CYRIB: variants seen among roughly 807,000 people sequenced by gnomAD.
CYRIB encodes CYFIP related Rac1 interactor B.
A neutral mutation model predicts 44.2 loss-of-function variants in CYRIB; 8 were observed. That is an observed-to-expected ratio of 0.18 (90% CI 0.11 to 0.33). CYRIB has a LOEUF of 0.33. Among genes scored for constraint, CYRIB ranks in the 10% least tolerant of loss-of-function variants. The pLI, the probability that CYRIB is intolerant of heterozygous loss-of-function variation, is 1.00. For missense variants in CYRIB, 185 were observed against 382.8 expected, an observed-to-expected ratio of 0.48 and a Z score of 4.31; for synonymous variants, 131 against 127.2, an observed-to-expected ratio of 1.03 and a Z score of -0.20.
intron 1 of CYRIB, among the ~76,000 whole-genome samples, chr8:129,927,637 C>A (rs1201470879): frequency 6.6e-6 from 1 of 152,160 alleles, no homozygotes; most frequent in Non-Finnish European, 1.5e-5. Flanking sequence ...GAAAGATGGT[C>A]ACCAAAACAG....
At position 129,885,413 on chromosome 8, in the gene CYRIB, C is replaced by T. The variant is rs181994555; in HGVS notation, c.-10-5942G>A. ...GTTTTCCTCACATCCAGCTTATAAA[C>T]GTATTAAAGACTTGTGACTGGCCAG... On this transcript the variant is annotated intron_variant, in intron 2 of 11. Transcript: ENST00000519824. Among the ~76,000 whole-genome samples, 70 of 152,254 alleles carry T rather than the reference C, an allele frequency of 4.6e-4. No individual in the cohort carries two copies. The South Asian group carries it at 0.01, about 22-fold the overall frequency.
intron 11 of CYRIB, 29 bp from the exon 14 acceptor site, chr8:129,842,234 T>C (rs1272090425): frequency 6.6e-7 from 1 of 1,511,390 alleles, no homozygotes; most frequent in African/African-American, 1.4e-5. Flanking sequence ...AAAGATCAAT[T>C]TTAGGAACTT....
intron 1 of CYRIB, among the ~76,000 whole-genome samples, chr8:129,993,470 G>T (rs1276721826): frequency 6.6e-6 from 1 of 152,068 alleles, no homozygotes; most frequent in African/African-American, 2.4e-5. Context: ...GCCAAGGCAG[G>T]CAGATCACTT....
intron 6 of CYRIB, among the ~76,000 whole-genome samples, chr8:129,855,252 G>A (rs959181091): frequency 6.6e-5 from 10 of 151,960 alleles, no homozygotes; most frequent in African/African-American, 1.7e-4. Context: ...TTAGCCAGGC[G>A]TGGTGGCACA....
At chr8:129,967,319 T>G (rs1010787755) in intron 2 of CYRIB, among the ~76,000 whole-genome samples, 5 of 152,112 alleles carry the variant, frequency 3.3e-5, no homozygotes, top group African/African-American at 1.2e-4. Context: ...TTAGGGCTTC[T>G]TTTCTTTTCT....
At chr8:130,005,957 T>C (rs1361130598) in intron 1 of CYRIB, among the ~76,000 whole-genome samples, 2 of 152,110 alleles carry the variant, frequency 1.3e-5, no homozygotes, top group African/African-American at 4.8e-5. Flanking sequence ...GATATTTCTC[T>C]AACCCAGTGA....
At chr8:129,926,654 T>A (rs1312139749) in intron 1 of CYRIB, among the ~76,000 whole-genome samples, 1 of 152,194 alleles carries the variant, frequency 6.6e-6, no homozygotes, top group Non-Finnish European at 1.5e-5. Flanking sequence ...AATTCAACCT[T>A]GTAACCCCTC....
chr8:129,935,655 T>C (rs964154922), intron 1 of CYRIB, among the ~76,000 whole-genome samples: 1 of 152,162 alleles, frequency 6.6e-6, no homozygotes, highest in African/African-American at 2.4e-5. Flanking sequence ...ATATATATCA[T>C]ACATAATGCA....
intron 5 of CYRIB, among the ~76,000 whole-genome samples, chr8:129,859,540 T>C (rs1587576852): frequency 6.6e-6 from 1 of 152,280 alleles, no homozygotes; most frequent in Middle Eastern, 3.4e-3. Flanking sequence ...AGGCTACCGC[T>C]AGACCACAGT....
intron 1 of CYRIB, among the ~76,000 whole-genome samples, chr8:129,926,378 G>A (rs898828622): frequency 1.3e-5 from 2 of 152,092 alleles, no homozygotes; most frequent in African/African-American, 2.4e-5. Context: ...AATTTCCACT[G>A]AACTAGTGTG....
chr8:129,997,266 A>G (rs961943410), intron 1 of CYRIB, among the ~76,000 whole-genome samples: 6 of 152,122 alleles, frequency 3.9e-5, no homozygotes, highest in African/African-American at 1.4e-4. Context: ...CCACTCTATT[A>G]TCTACTGCAG....
At chr8:129,965,350 C>A (rs2095432487) in intron 2 of CYRIB, among the ~76,000 whole-genome samples, 1 of 151,970 alleles carries the variant, frequency 6.6e-6, no homozygotes, top group South Asian at 2.1e-4. Flanking sequence ...AACACTTATA[C>A]CCTCTTCTTG....
chr8:129,870,014 G>A (rs909203469), intron 4 of CYRIB, among the ~76,000 whole-genome samples: 1 of 152,062 alleles, frequency 6.6e-6, no homozygotes, highest in African/African-American at 2.4e-5. Flanking sequence ...AAAATGAAAG[G>A]AAGGTCATTC....
At chr8:129,860,555 A>G (rs2048831915) in intron 5 of CYRIB, among the ~76,000 whole-genome samples, 1 of 152,208 alleles carries the variant, frequency 6.6e-6, no homozygotes, top group Non-Finnish European at 1.5e-5. Context: ...CAATATTTCT[A>G]TCCAAACTAC....
chr8:129,999,691 G>A (rs769185558), intron 1 of CYRIB, among the ~76,000 whole-genome samples: 7 of 152,216 alleles, frequency 4.6e-5, no homozygotes, highest in African/African-American at 1.4e-4. Context: ...GCAGTGGCAC[G>A]ATCACGGCTC....
At chr8:129,876,853 A>G (rs2059285762) in intron 3 of CYRIB, among the ~76,000 whole-genome samples, 1 of 152,242 alleles carries the variant, frequency 6.6e-6, no homozygotes, top group African/African-American at 2.4e-5. Flanking sequence ...CATGAATATT[A>G]AAGTGCATCT....
intron 1 of CYRIB, among the ~76,000 whole-genome samples, chr8:129,907,740 G>A (rs557812803): frequency 5.3e-5 from 8 of 152,192 alleles, no homozygotes; most frequent in South Asian, 2.1e-4. Flanking sequence ...AGTGGCTCAC[G>A]CCTGTAAGCC....
intron 1 of CYRIB, among the ~76,000 whole-genome samples, chr8:129,908,190 T>G (rs546050424): frequency 1.3e-5 from 2 of 152,158 alleles, no homozygotes; most frequent in South Asian, 2.1e-4. Flanking sequence ...TATAAAAAAT[T>G]TAAAATGGAA....
At chr8:129,922,573 T>C (rs1204636739) in intron 1 of CYRIB, among the ~76,000 whole-genome samples, 2 of 152,012 alleles carry the variant, frequency 1.3e-5, no homozygotes, top group Non-Finnish European at 2.9e-5. Context: ...TTAAAAAATA[T>C]CTAATAAAGG....
Sources: gnomAD v4.1 joint callset for allele counts (sites outside exome capture counted in the v4.1 genomes callset) on GRCh38, gnomAD v4.1.1 for gene constraint, MANE v1.5 for transcripts, NCBI Gene and HGNC (gene_info 2026-07-23, HGNC 2026-07-21) for gene names.